The following TBC1D5 variants were observed in gnomAD, a reference collection of about 807,000 sequenced individuals.
The protein encoded by TBC1D5 is TBC1 domain family, member 5.
In TBC1D5, 75 loss-of-function variants were observed where a neutral mutation model predicts 100.3. The ratio of observed to expected loss-of-function variants is 0.75; its 90% CI spans 0.62 to 0.91. TBC1D5 has a LOEUF of 0.91. TBC1D5 is among the 40% of genes least tolerant of loss of function. The pLI is 0.00. For synonymous variants in TBC1D5, 323 were observed against 325.6 expected (o/e 0.99, Z 0.09); for missense variants, 910 against 942.4 (o/e 0.97, Z 0.45).
intron 13 of TBC1D5, among the ~76,000 whole-genome samples, chr3:17,358,721 A>AT (rs1160029424): frequency 2.2e-4 from 33 of 152,180 alleles, no homozygotes; most frequent in Non-Finnish European, 4.4e-4. Context: ...TAAAAGGTAT[A>AT]TTTTCTCTAA....
chr3:17,536,432 A>G (rs937920570), intron 2 of TBC1D5, among the ~76,000 whole-genome samples: 1 of 152,228 alleles, frequency 6.6e-6, no homozygotes, highest in Non-Finnish European at 1.5e-5. Flanking sequence ...TGTACAATTT[A>G]ATGTTACCAA....
chr3:17,658,445 T>A (rs2066316306), intron 1 of TBC1D5, among the ~76,000 whole-genome samples: 1 of 151,798 alleles, frequency 6.6e-6, no homozygotes, highest in Non-Finnish European at 1.5e-5. Flanking sequence ...ACAGGAAAAA[T>A]CTCATGAGAT....
At chr3:17,168,037 C>T (rs2125146854) in intron 19 of TBC1D5, among the ~76,000 whole-genome samples, 1 of 152,284 alleles carries the variant, frequency 6.6e-6, no homozygotes. Context: ...GCCTCCCCTC[C>T]AACATTCCAT....
At chr3:17,442,629 T>A (rs933937210) in intron 3 of TBC1D5, among the ~76,000 whole-genome samples, 5 of 152,148 alleles carry the variant, frequency 3.3e-5, no homozygotes, top group African/African-American at 1.2e-4. Context: ...ATGCTCAAAA[T>A]ATACCCAAAG....
chr3:17,611,029 A>G (rs2061637665), intron 2 of TBC1D5, among the ~76,000 whole-genome samples: 1 of 152,152 alleles, frequency 6.6e-6, no homozygotes, highest in South Asian at 2.1e-4. Flanking sequence ...AGTCAATAAA[A>G]CTAGAGAAAA....
intron 13 of TBC1D5, among the ~76,000 whole-genome samples, chr3:17,315,971 G>A (rs2084650006): frequency 6.6e-6 from 1 of 152,152 alleles, no homozygotes; most frequent in African/African-American, 2.4e-5. Flanking sequence ...CTCTAGGTTG[G>A]TCCTGTGGTG....
chr3:17,325,071 T>A (rs1201916358), intron 13 of TBC1D5, among the ~76,000 whole-genome samples: 1 of 148,616 alleles, frequency 6.7e-6, no homozygotes, highest in African/African-American at 2.6e-5. Flanking sequence ...AAGTTGAACA[T>A]ATATTTTATC....
intron 3 of TBC1D5, among the ~76,000 whole-genome samples, chr3:17,494,438 T>C (rs1006860550): frequency 1.3e-5 from 2 of 152,174 alleles, no homozygotes; most frequent in Non-Finnish European, 2.9e-5. Context: ...TGCCCCTTGG[T>C]GGAGTGGGTG....
At chr3:17,637,493 A>G (rs1184609791) in intron 1 of TBC1D5, among the ~76,000 whole-genome samples, 4 of 152,030 alleles carry the variant, frequency 2.6e-5, no homozygotes, top group Non-Finnish European at 4.4e-5. Flanking sequence ...TATGAAATAT[A>G]CACAAACTGG....
chr3:17,696,515 T>C (rs1410580630), intron 1 of TBC1D5, among the ~76,000 whole-genome samples: 3 of 152,080 alleles, frequency 2.0e-5, no homozygotes, highest in Admixed American at 1.3e-4. Context: ...ATAGATGAAT[T>C]CCTGGATACA....
At chr3:17,265,373 A>G (rs926774320) in intron 15 of TBC1D5, among the ~76,000 whole-genome samples, 1 of 152,122 alleles carries the variant, frequency 6.6e-6, no homozygotes, top group African/African-American at 2.4e-5. Flanking sequence ...TTCCCCTAAT[A>G]TCTTGCTACC....
intron 2 of TBC1D5, among the ~76,000 whole-genome samples, chr3:17,562,525 A>G (rs566729520): frequency 1.3e-5 from 2 of 152,144 alleles, no homozygotes; most frequent in South Asian, 4.1e-4. Flanking sequence ...ACAAAAAAAA[A>G]AAAGAAAGAA....
chr3:17,441,882 T>C (rs2094666712), intron 3 of TBC1D5, among the ~76,000 whole-genome samples: 1 of 151,536 alleles, frequency 6.6e-6, no homozygotes, highest in Admixed American at 6.6e-5. Flanking sequence ...AGAAGAAAAG[T>C]ACATCATAGG....
At chr3:17,317,357 G>A (rs2084821782) in intron 13 of TBC1D5, among the ~76,000 whole-genome samples, 1 of 152,178 alleles carries the variant, frequency 6.6e-6, no homozygotes, top group Non-Finnish European at 1.5e-5. Flanking sequence ...GGAGAGACAG[G>A]GAGGGAAACA....
intron 13 of TBC1D5, among the ~76,000 whole-genome samples, chr3:17,320,866 T>C (rs2085319949): frequency 1.3e-5 from 2 of 152,202 alleles, no homozygotes; most frequent in African/African-American, 4.8e-5. Context: ...TTCTTTTACC[T>C]GTGAATCTGT....
At chr3:17,729,104 T>C (rs895775418) in intron 1 of TBC1D5, among the ~76,000 whole-genome samples, 6 of 136,288 alleles carry the variant, frequency 4.4e-5, no homozygotes, top group African/African-American at 1.6e-4. Context: ...ATAAAAGCAA[T>C]CTATCAATTT....
At chr3:17,599,877 G>A (rs189209600) in intron 2 of TBC1D5, among the ~76,000 whole-genome samples, 3 of 152,170 alleles carry the variant, frequency 2.0e-5, no homozygotes, top group Non-Finnish European at 4.4e-5. Flanking sequence ...AGGGAAATGA[G>A]GGGGATGGGG....
chr3:17,307,863 T>A (rs527831886), intron 14 of TBC1D5, 129 bp downstream of exon 14: 1 of 1,179,994 alleles, frequency 8.5e-7, no homozygotes, highest in South Asian at 1.5e-5. Flanking sequence ...AATTTCAGTA[T>A]ATTACCCTAC....
chr3:17,202,322 C>G (rs2071564852), intron 18 of TBC1D5, among the ~76,000 whole-genome samples: 1 of 152,272 alleles, frequency 6.6e-6, no homozygotes, highest in South Asian at 2.1e-4. Context: ...CTGGCTGCTT[C>G]TAACAGCATA....
Sources: allele counts gnomAD v4.1 joint callset (sites outside exome capture counted in the v4.1 genomes callset), GRCh38; gene constraint gnomAD v4.1.1; transcripts MANE v1.5; gene names NCBI Gene and HGNC (gene_info 2026-07-23, HGNC 2026-07-21).